NINL: variants seen among roughly 807,000 people sequenced by gnomAD.
NINL encodes ninein like.
A neutral mutation model predicts 160.3 loss-of-function variants in NINL; 153 were observed. The observed-to-expected ratio is 0.95, with a 90% CI of 0.84 to 1.09. The LOEUF (loss-of-function observed/expected upper bound fraction) is 1.09, where lower values mean the gene tolerates loss of function less well. Ranked by LOEUF, NINL falls within the 50% of genes least tolerant of loss-of-function variation. The pLI is 0.00. For synonymous variants in NINL, 800 were observed against 734.8 expected, an observed-to-expected ratio of 1.09 and a Z score of -1.43; for missense variants, 1,829 against 1,764.0, an observed-to-expected ratio of 1.04 and a Z score of -0.66.
intron 4 of NINL, among the ~76,000 whole-genome samples, chr20:25,511,379 A>G (rs1601189001): frequency 1.3e-5 from 2 of 152,338 alleles, no homozygotes; most frequent in East Asian, 1.9e-4. Flanking sequence ...CGACTTAAGT[A>G]AAAACCTCGT....
rs992987183 is a variant in NINL at position 25,517,818 on chromosome 20, A to T, written c.212T>A (p.Val71Glu). 3.1e-6 allele frequency: 5 copies of T among 1,608,794 alleles called. No individual in the cohort carries two copies. The highest frequency in any genetic ancestry group is 4.2e-6 in the Non-Finnish European group (5 of 1,178,818). The part of the protein sequence containing the change: ...VNFEEFKEGF[V>E]AVLSSNAGVR... ...ACCAGCATTTGAAGACAACACAGCCACAAAACCTTCCTTAAATTCCTCAAA... is the reference window on the plus strand; with the variant it reads ...ACCAGCATTTGAAGACAACACAGCCTCAAAACCTTCCTTAAATTCCTCAAA... The change falls in exon 3 of 24, where the codon GTG becomes GAG. Residue 71 changes from valine to glutamate, a missense_variant. Physicochemically the swap from Val to Glu is moderately radical, Grantham distance 121. Transcript: ENST00000278886.
chr20:25,511,792 A>G (rs1172421839), intron 4 of NINL, among the ~76,000 whole-genome samples: 1 of 152,204 alleles, frequency 6.6e-6, no homozygotes, highest in Non-Finnish European at 1.5e-5. Flanking sequence ...CCCTGAGAAA[A>G]AAGACTCTAA....
intron 1 of NINL, among the ~76,000 whole-genome samples, chr20:25,582,102 A>G (rs1357164893): frequency 1.3e-5 from 2 of 152,154 alleles, no homozygotes; most frequent in Non-Finnish European, 2.9e-5. Flanking sequence ...CTAAAATAAA[A>G]AAATTAGCTG....
At chr20:25,501,154 G>T in intron 7 of NINL, 144 bp from the exon 8 acceptor site, 1 of 1,084,562 alleles carries the variant, frequency 9.2e-7, no homozygotes, top group Non-Finnish European at 1.3e-6. Context: ...TCTCAGAGGG[G>T]TCAGAGGTGC....
At chr20:25,463,824 G>A (rs781610858) in intron 19 of NINL, among the ~76,000 whole-genome samples, 43 of 152,280 alleles carry the variant, frequency 2.8e-4, no homozygotes, top group Non-Finnish European at 4.3e-4. Flanking sequence ...GGGAGTCCAC[G>A]CATTTTTCTC....
rs1280681896 is a variant in NINL, at chr20:25,498,129, G to A, written c.1169+81C>T. On this transcript the variant is annotated intron_variant, in intron 9 of 23. Transcript: ENST00000278886. ...GTGGGGTGGATAAGAGCTGACTGGTGTCCTTTGTGTCCCAGACCCCCCTCC... is the reference window on the plus strand; with the variant it reads ...GTGGGGTGGATAAGAGCTGACTGGTATCCTTTGTGTCCCAGACCCCCCTCC... The A allele has an allele frequency of 8.5e-6, 13 of 1,527,732 alleles. No individual in the cohort carries two copies. In the South Asian group the frequency reaches 1.5e-4, roughly 18 times the overall value. 94.6% of individuals were successfully genotyped at this position (1,527,732 alleles called of 1,614,324 possible).
chr20:25,477,389 C>T (rs1397255149), intron 16 of NINL, among the ~76,000 whole-genome samples: 1 of 152,236 alleles, frequency 6.6e-6, no homozygotes, highest in African/African-American at 2.4e-5. Flanking sequence ...GTTGCAGCCC[C>T]TCGGCCGTGC....
chr20:25,495,765 C>T (rs1462878734), intron 10 of NINL, among the ~76,000 whole-genome samples: 1 of 152,224 alleles, frequency 6.6e-6, no homozygotes, highest in African/African-American at 2.4e-5. Context: ...CTCTCCCTGC[C>T]TGAGCCTGGG....
intron 1 of NINL, among the ~76,000 whole-genome samples, chr20:25,549,210 C>A (rs1229175529): frequency 8.4e-6 from 1 of 118,922 alleles, no homozygotes; most frequent in Non-Finnish European, 1.7e-5. Flanking sequence ...CCAGGCCTGA[C>A]CCCGGCACCC....
At chr20:25,561,030 C>T (rs2064927995) in intron 1 of NINL, among the ~76,000 whole-genome samples, 1 of 61,172 alleles carries the variant, frequency 1.6e-5, no homozygotes, top group African/African-American at 4.7e-5. Context: ...CCCTCTCCCT[C>T]TCCCCTCCTC....
chr20:25,584,696 G>A (rs1369105976), intron 1 of NINL, among the ~76,000 whole-genome samples: 4 of 152,138 alleles, frequency 2.6e-5, no homozygotes, highest in Admixed American at 2.6e-4. Context: ...CTTGGCCTAA[G>A]TCTCACAGAG....
At chr20:25,560,723 T>C (rs1346906548) in intron 1 of NINL, among the ~76,000 whole-genome samples, 1 of 152,042 alleles carries the variant, frequency 6.6e-6, no homozygotes, top group Non-Finnish European at 1.5e-5. Flanking sequence ...CACTGTCTCC[T>C]CTTTCTAACC....
intron 6 of NINL, among the ~76,000 whole-genome samples, chr20:25,504,526 G>T (rs190858165): frequency 6.6e-6 from 1 of 152,358 alleles, no homozygotes; most frequent in East Asian, 1.9e-4. Context: ...GGAGAGTGAG[G>T]ACAGGCTTGG....
At chr20:25,516,363 T>C (rs2064159925) in intron 3 of NINL, among the ~76,000 whole-genome samples, 1 of 151,844 alleles carries the variant, frequency 6.6e-6, no homozygotes, top group Admixed American at 6.6e-5. Flanking sequence ...AAAATTCTAA[T>C]TGGAAAAGAA....
intron 17 of NINL, 143 bp downstream of exon 17, chr20:25,475,900 T>C (rs950121748): frequency 1.2e-6 from 1 of 817,824 alleles, no homozygotes. Flanking sequence ...CTACTCAGGC[T>C]GAAGGGCTAC....
chr20:25,489,337 C>A lies in NINL; in HGVS notation c.1597-13G>T. On this transcript the variant is annotated splice_polypyrimidine_tract_variant and intron_variant, in intron 12 of 23. Coordinates refer to ENST00000278886, the MANE Select transcript of NINL (RefSeq NM_025176.6). ...TCTGTGGCTCCAGCTGAAAGGCAGA[C>A]ACAAAGGAAGTCACGGGTGGGCCTC... is the stretch of plus-strand genomic sequence containing the variant. The A allele has an allele frequency of 1.2e-6, 2 of 1,613,022 alleles. No individual in the cohort carries two copies. Among genetic ancestry groups the A allele is most frequent in the East Asian group, 4.5e-5 (2 of 44,880 alleles).
intron 17 of NINL, among the ~76,000 whole-genome samples, chr20:25,470,560 A>G (rs1413651369): frequency 6.6e-6 from 1 of 152,208 alleles, no homozygotes; most frequent in Non-Finnish European, 1.5e-5. Flanking sequence ...GGTGAATCTC[A>G]AAGTGGGAAA....
At position 25,453,559 on chromosome 20, in the gene NINL, G is replaced by A. The variant is rs562856131; in HGVS notation, c.4041C>T (p.Thr1347=). The change falls in exon 24 of 24, where the codon ACC becomes ACT. Residue 1347 remains threonine (T), a synonymous_variant. Coordinates refer to ENST00000278886, the MANE Select transcript of NINL (RefSeq NM_025176.6). ...TCTCGGCGCCTCGCTGCTTCTCCTC[G>A]GTGGCCTGAAGTGCTCTCACCAGGT... ...NAHLVRALQA[T]EEKQRGAEKQ... 2.4e-5 allele frequency: 38 copies of A among 1,614,060 alleles called. No homozygotes were observed. The highest frequency in any genetic ancestry group is 8.9e-5 in the East Asian group (4 of 44,866).
intron 2 of NINL, among the ~76,000 whole-genome samples, chr20:25,523,549 G>T (rs1276120871): frequency 1.3e-5 from 2 of 152,048 alleles, no homozygotes; most frequent in Non-Finnish European, 2.9e-5. Flanking sequence ...CACCGCACCT[G>T]GCCTGTTTCA....
Sources: allele counts gnomAD v4.1 joint callset (sites outside exome capture counted in the v4.1 genomes callset), GRCh38; gene constraint gnomAD v4.1.1; transcripts MANE v1.5; gene names NCBI Gene and HGNC (gene_info 2026-07-23, HGNC 2026-07-21).